Variants in SNX29 observed in about 807,000 individuals in gnomAD.
SNX29 encodes sorting nexin-29.
A neutral mutation model predicts 102.1 loss-of-function variants in SNX29; 78 were observed. That is an observed-to-expected ratio of 0.76 (90% CI 0.64 to 0.92). The LOEUF is 0.92. Among genes scored for constraint, SNX29 ranks in the 40% least tolerant of loss-of-function variants. The pLI, the probability that SNX29 is intolerant of heterozygous loss-of-function variation, is 0.00. For missense variants in SNX29, 1,280 were observed against 1,061.7 expected, an observed-to-expected ratio of 1.21 and a Z score of -2.86; for synonymous variants, 580 against 414.5, an observed-to-expected ratio of 1.40 and a Z score of -4.85.
At chr16:12,001,608 C>G (rs1006919406) in intron 2 of SNX29, among the ~76,000 whole-genome samples, 1 of 151,968 alleles carries the variant, frequency 6.6e-6, no homozygotes, top group Non-Finnish European at 1.5e-5. Context: ...TATACACACA[C>G]ACATATACAC....
At chr16:12,275,226 A>T (rs1288451044) in intron 14 of SNX29, among the ~76,000 whole-genome samples, 1 of 152,102 alleles carries the variant, frequency 6.6e-6, no homozygotes, top group Non-Finnish European at 1.5e-5. Context: ...GATTCCTGGG[A>T]GAATACCTTT....
chr16:12,557,642 G>T (rs2078451955), intron 20 of SNX29: 1 of 152,200 alleles, frequency 6.6e-6, no homozygotes, highest in African/African-American at 2.4e-5. Context: ...GATTGCAGGT[G>T]TGAGCCACTA....
At chr16:12,207,235 G>A (rs1329085516) in intron 14 of SNX29, among the ~76,000 whole-genome samples, 1 of 152,244 alleles carries the variant, frequency 6.6e-6, no homozygotes, top group Non-Finnish European at 1.5e-5. Context: ...TAGGTGTGGT[G>A]GCAGGCGCCT....
At chr16:12,135,739 C>T (rs1597013187) in intron 13 of SNX29, 8 of 636,290 alleles carry the variant, frequency 1.3e-5, no homozygotes, top group Non-Finnish European at 1.9e-5. Context: ...ATTCCTTGAG[C>T]CATTTGTGGT....
intron 20 of SNX29, among the ~76,000 whole-genome samples, chr16:12,562,466 G>A (rs993755720): frequency 6.6e-6 from 1 of 152,162 alleles, no homozygotes; most frequent in African/African-American, 2.4e-5. Context: ...CCCCTTCATA[G>A]GCTAGGAACT....
At chr16:12,248,176 G>A (rs2078315124) in intron 14 of SNX29, among the ~76,000 whole-genome samples, 1 of 152,088 alleles carries the variant, frequency 6.6e-6, no homozygotes, top group African/African-American at 2.4e-5. Context: ...ACCCTTTAAG[G>A]CTTCCCTTCC....
chr16:12,122,220 C>G (rs1407842526), intron 11 of SNX29, among the ~76,000 whole-genome samples: 1 of 152,224 alleles, frequency 6.6e-6, no homozygotes, highest in East Asian at 1.9e-4. Flanking sequence ...GAACTCTTTG[C>G]TCTTGGGCCA....
At chr16:11,993,087 C>T (rs1449957035) in intron 1 of SNX29, among the ~76,000 whole-genome samples, 1 of 152,022 alleles carries the variant, frequency 6.6e-6, no homozygotes, top group Non-Finnish European at 1.5e-5. Flanking sequence ...ATTGCTTGAA[C>T]ATGGGAGGTG....
At chr16:12,383,092 T>A (rs535937248) in intron 16 of SNX29, among the ~76,000 whole-genome samples, 46 of 152,322 alleles carry the variant, frequency 3.0e-4, no homozygotes, top group African/African-American at 9.9e-4. Context: ...ATACAAGTAA[T>A]ACATGAAGAC....
At position 12,419,270 on chromosome 16, in the gene SNX29, A is replaced by G. The variant is rs2084773556; in HGVS notation, c.2037+15741A>G. 2.0e-5 allele frequency among the ~76,000 whole-genome samples: 3 copies of G among 152,214 alleles called. No individual in the cohort carries two copies. The South Asian group carries it at 6.2e-4, about 32-fold the overall frequency. ...GTGCCTGCCCAGATACTTGTGTGAC[A>G]GCATCCTCTCAATGCAGCCATCTCC... On this transcript the variant is annotated intron_variant, in intron 18 of 20. Coordinates refer to ENST00000566228, the MANE Select transcript of SNX29 (RefSeq NM_032167.5).
intron 20 of SNX29, among the ~76,000 whole-genome samples, chr16:12,563,790 C>T (rs375735621): frequency 6.7e-6 from 1 of 149,710 alleles, no homozygotes; most frequent in Non-Finnish European, 1.5e-5. Flanking sequence ...TGTCTGAAGA[C>T]TGCAACACCC....
At chr16:12,182,654 G>T (rs2076414567) in intron 13 of SNX29, among the ~76,000 whole-genome samples, 1 of 152,228 alleles carries the variant, frequency 6.6e-6, no homozygotes, top group East Asian at 1.9e-4. Context: ...TCATCCTGAG[G>T]CCCGATGCAG....
intron 3 of SNX29, among the ~76,000 whole-genome samples, chr16:12,024,337 G>T (rs1330311611): frequency 6.6e-6 from 1 of 151,922 alleles, no homozygotes; most frequent in East Asian, 1.9e-4. Context: ...GTAGAAATGG[G>T]GTTTCACCAT....
rs146109063 is a variant in SNX29 at position 12,548,447 on chromosome 16, C to T, written c.2319-20059C>T. ...ACTGTGCCACATCCCTGTACCATGGCATCTGTGTCTTTTGGACAGCACCGG... is the reference window on the plus strand; with the variant it reads ...ACTGTGCCACATCCCTGTACCATGGTATCTGTGTCTTTTGGACAGCACCGG... On this transcript the variant is annotated intron_variant, in intron 20 of 20. Transcript: ENST00000566228. Among the ~76,000 whole-genome samples the T allele has an allele frequency of 3.3e-3, 504 of 152,328 alleles. 2 individuals are homozygous for T. The highest frequency in any genetic ancestry group is 0.012 in the African/African-American group (492 of 41,582).
intron 16 of SNX29, among the ~76,000 whole-genome samples, chr16:12,390,095 A>G (rs1416043360): frequency 6.6e-6 from 1 of 152,026 alleles, no homozygotes; most frequent in Non-Finnish European, 1.5e-5. Context: ...AAGTCTGTTG[A>G]TATAAAGAGG....
rs2050780919 is a variant in SNX29 at position 12,061,647 on chromosome 16, G to A, written c.1243+1G>A. 6.2e-7 allele frequency: 1 copy of A among 1,608,892 alleles called. No homozygotes were observed. On this transcript the variant is annotated splice_donor_variant, in intron 9 of 20. Transcript: ENST00000566228. LOFTEE classifies it high-confidence loss of function. Reference sequence around the variant, plus strand: ...GGCGTGGGCTCCTACAGCCCAGCAGGTGGGTGTCTCCCGATTACTCCTTTC... The same window carrying A: ...GGCGTGGGCTCCTACAGCCCAGCAGATGGGTGTCTCCCGATTACTCCTTTC...
intron 1 of SNX29, among the ~76,000 whole-genome samples, chr16:11,981,277 G>T (rs2055407500): frequency 6.6e-6 from 1 of 151,718 alleles, no homozygotes; most frequent in South Asian, 2.1e-4. Flanking sequence ...GCCAATTTTT[G>T]TATTATTAGT....
chr16:11,981,440 C>CT (rs2055411986), intron 1 of SNX29, among the ~76,000 whole-genome samples: 1 of 152,022 alleles, frequency 6.6e-6, no homozygotes, highest in Non-Finnish European at 1.5e-5. Context: ...TTGAAGCAGT[C>CT]TTTTTTTAAA....
chr16:12,407,783 C>A (rs1473090481), intron 18 of SNX29, among the ~76,000 whole-genome samples: 4 of 152,200 alleles, frequency 2.6e-5, no homozygotes, highest in Non-Finnish European at 4.4e-5. Flanking sequence ...TTTAGAGATT[C>A]TGTGTTACTG....
Sources: allele counts gnomAD v4.1 joint callset (sites outside exome capture counted in the v4.1 genomes callset), GRCh38; gene constraint gnomAD v4.1.1; transcripts MANE v1.5; gene names NCBI Gene and HGNC (gene_info 2026-07-23, HGNC 2026-07-21).